The following RNF144B variants were observed in gnomAD, a reference collection of about 807,000 sequenced individuals.
RNF144B encodes E3 ubiquitin-protein ligase RNF144B.
Under a neutral mutation model 40.2 loss-of-function variants are expected in RNF144B, and 25 were observed. The ratio of observed to expected loss-of-function variants is 0.62; its 90% CI spans 0.45 to 0.87. The LOEUF (loss-of-function observed/expected upper bound fraction) is 0.87. Ranked by LOEUF, RNF144B falls within the 40% of genes least tolerant of loss-of-function variation. RNF144B has a pLI of 0.00. For missense variants in RNF144B, 365 were observed against 373.7 expected, an observed-to-expected ratio of 0.98 and a Z score of 0.19; for synonymous variants, 145 against 136.3, an observed-to-expected ratio of 1.06 and a Z score of -0.44.
chr6:18,409,987 G>A (rs10949503), intron 2 of RNF144B, among the ~76,000 whole-genome samples: 97,533 of 152,000 alleles, frequency 0.64, 31,603 homozygotes, highest in Non-Finnish European at 0.69. Context: ...AAAGGAAGTT[G>A]TGAAAAGATA....
intron 2 of RNF144B, among the ~76,000 whole-genome samples, chr6:18,413,299 A>C (rs1339411397): frequency 6.6e-6 from 1 of 152,240 alleles, no homozygotes; most frequent in African/African-American, 2.4e-5. Context: ...TAGCCTATAA[A>C]ATGCAAAATT....
chr6:18,403,308 T>G (rs1794829276), intron 2 of RNF144B, among the ~76,000 whole-genome samples: 1 of 152,232 alleles, frequency 6.6e-6, no homozygotes, highest in South Asian at 2.1e-4. Flanking sequence ...ATTTTAGAAG[T>G]GATTTCTGTC....
chr6:18,432,635 A>C (rs750501362), intron 3 of RNF144B, among the ~76,000 whole-genome samples: 4 of 152,240 alleles, frequency 2.6e-5, no homozygotes, highest in Non-Finnish European at 5.9e-5. Flanking sequence ...GTGTTATTGA[A>C]GTAGCATCCA....
chr6:18,434,779 G>A lies in RNF144B; in HGVS notation c.271-4905G>A, dbSNP rs774644481. Reference sequence around the variant, plus strand: ...TGGGACTACAGGCGCCTGCTACCACGCCCAGCTAATTTTTTGTATTTTTAG... The same window carrying A: ...TGGGACTACAGGCGCCTGCTACCACACCCAGCTAATTTTTTGTATTTTTAG... On this transcript the variant is annotated intron_variant, in intron 3 of 7. Transcript: ENST00000259939. The surrounding 1 kb of genome is among the most constrained non-coding windows in gnomAD (Gnocchi z 4.1). Among the ~76,000 whole-genome samples, 2 of 151,990 alleles carry A rather than the reference G, an allele frequency of 1.3e-5. No individual in the cohort carries two copies. The highest frequency in any genetic ancestry group is 2.1e-4 in the South Asian group (1 of 4,812).
At position 18,416,297 on chromosome 6, in the gene RNF144B, T is replaced by TA. The variant is rs1370657541; in HGVS notation, c.166-11283dup. ...AAGGTTAATGGATGAGTGATTGAAT[T>TA]ACTCAAATTGGAAGCAGATTTTTCC... On this transcript the variant is annotated intron_variant, in intron 2 of 7. Transcript: ENST00000259939. The surrounding 1 kb of genome is among the most constrained non-coding windows in gnomAD (Gnocchi z 5.5). Among the ~76,000 whole-genome samples, 1 of 152,188 alleles carries TA rather than the reference T, an allele frequency of 6.6e-6. No individual in the cohort carries two copies. The highest frequency in any genetic ancestry group is 1.5e-5 in the Non-Finnish European group (1 of 68,036).
At chr6:18,423,328 G>A (rs773050134) in intron 2 of RNF144B, among the ~76,000 whole-genome samples, 14 of 152,032 alleles carry the variant, frequency 9.2e-5, no homozygotes, top group African/African-American at 3.1e-4. Context: ...CAGTTTCATT[G>A]GCTATAGATT....
At chr6:18,392,121 T>C (rs1004290938) in intron 1 of RNF144B, among the ~76,000 whole-genome samples, 1 of 147,204 alleles carries the variant, frequency 6.8e-6, no homozygotes, top group African/African-American at 2.5e-5. Context: ...GGCAGGAGAA[T>C]GGCGTGAACC....
At chr6:18,394,613 GA>G (rs67659754) in intron 1 of RNF144B, among the ~76,000 whole-genome samples, 47,519 of 132,312 alleles carry the variant, frequency 0.36, 7,574 homozygotes, top group East Asian at 0.43. Flanking sequence ...CCCCAACCAA[GA>G]AAAAAAAAAA....
rs563424795 is a variant in RNF144B at position 18,464,636 on chromosome 6, A to AT, written c.772-284dup. Among the ~76,000 whole-genome samples the AT allele has an allele frequency of 1.1e-3, 162 of 152,238 alleles. No individual in the cohort carries two copies. The highest frequency in any genetic ancestry group is 1.8e-3 in the Non-Finnish European group (123 of 68,010). ...CTCTCTTCCTGGTTTGAAGATGGCC[A>AT]TTTTTTTGCTGTGTCTTCACATGGC... On this transcript the variant is annotated intron_variant, in intron 7 of 7. Transcript: ENST00000259939. The surrounding 1 kb of genome is among the most constrained non-coding windows in gnomAD (Gnocchi z 6.1).
chr6:18,406,306 T>C lies in RNF144B; in HGVS notation c.165+6607T>C, dbSNP rs531092079. On this transcript the variant is annotated intron_variant, in intron 2 of 7. Transcript: ENST00000259939. This position sits in a 1 kb window ranked among gnomAD's most constrained non-coding sequence, Gnocchi z 4.2. ...GGGAAGTCTCAGTGATAAGGTGTTATTTGAGCAGAGACCTGAAGGAAATGG... is the reference window on the plus strand; with the variant it reads ...GGGAAGTCTCAGTGATAAGGTGTTACTTGAGCAGAGACCTGAAGGAAATGG... 2.0e-5 allele frequency among the ~76,000 whole-genome samples: 3 copies of C among 152,210 alleles called. No homozygotes were observed. The East Asian group carries it at 5.8e-4, about 29-fold the overall frequency.
chr6:18,464,911 T>C lies in RNF144B; in HGVS notation c.772-16T>C. The C allele has an allele frequency of 1.9e-6, 3 of 1,613,652 alleles. No individual in the cohort carries two copies. The highest frequency in any genetic ancestry group is 2.5e-6 in the Non-Finnish European group (3 of 1,179,640). Reference sequence around the variant, plus strand: ...AGACTTAATTGCTGAAATATGCTTTTCTTTGAAATTTCCAGGTGGTGGGGA... The same window carrying C: ...AGACTTAATTGCTGAAATATGCTTTCCTTTGAAATTTCCAGGTGGTGGGGA... On this transcript the variant is annotated splice_polypyrimidine_tract_variant and intron_variant, in intron 7 of 7. Coordinates refer to ENST00000259939, the MANE Select transcript of RNF144B (RefSeq NM_182757.4). This position sits in a 1 kb window ranked among gnomAD's most constrained non-coding sequence, Gnocchi z 6.1.
In RNF144B at chr6:18,447,959, T is replaced by G. The variant is rs1422833592; in HGVS notation, c.331+8215T>G. Among the ~76,000 whole-genome samples the G allele has an allele frequency of 2.0e-5, 3 of 152,048 alleles. No homozygotes were observed. Among genetic ancestry groups the G allele is most frequent in the Admixed American group, 1.3e-4 (2 of 15,258 alleles). On this transcript the variant is annotated intron_variant, in intron 4 of 7. Coordinates refer to ENST00000259939, the MANE Select transcript of RNF144B (RefSeq NM_182757.4). The surrounding 1 kb of genome is among the most constrained non-coding windows in gnomAD (Gnocchi z 5.6). ...AGTGTTTAAGGAGGAGAGTGTCCAC[T>G]GGGTCCGAAGCTACTGACAGATGAG...
rs1191947287 is a variant in RNF144B, at chr6:18,410,367, C to A, written c.165+10668C>A. Among the ~76,000 whole-genome samples, 3 of 152,126 alleles carry A rather than the reference C, an allele frequency of 2.0e-5. No homozygotes were observed. The highest frequency in any genetic ancestry group is 7.2e-5 in the African/African-American group (3 of 41,416). ...GCCCTGCTGTTATGTGGGCAGTAGA[C>A]CCTCTGATAAAGGAAGTACAATATG... On this transcript the variant is annotated intron_variant, in intron 2 of 7. Coordinates refer to ENST00000259939, the MANE Select transcript of RNF144B (RefSeq NM_182757.4). The surrounding 1 kb of genome is among the most constrained non-coding windows in gnomAD (Gnocchi z 4.6).
intron 2 of RNF144B, among the ~76,000 whole-genome samples, chr6:18,417,551 C>T (rs1039882315): frequency 6.6e-6 from 1 of 152,106 alleles, no homozygotes; most frequent in Non-Finnish European, 1.5e-5. Context: ...TGTCTGTGAT[C>T]TTCCTCATAC....
At position 18,406,138 on chromosome 6, in the gene RNF144B, C is replaced by T. The variant is rs2113469509; in HGVS notation, c.165+6439C>T. ...AACGATCAGATTAAGCCCTGGTTTT[C>T]AAATAACTCAACTTTTCGTATGAGA... On this transcript the variant is annotated intron_variant, in intron 2 of 7. Coordinates refer to ENST00000259939, the MANE Select transcript of RNF144B (RefSeq NM_182757.4). This position sits in a 1 kb window ranked among gnomAD's most constrained non-coding sequence, Gnocchi z 4.2. 2 of 518,916 alleles carry T rather than the reference C, an allele frequency of 3.9e-6. No homozygotes were observed. The highest frequency in any genetic ancestry group is 7.7e-6 in the Non-Finnish European group (2 of 259,856). The allele number at this position is 518,916 out of a possible 1,614,324, so 32.1% of individuals were successfully genotyped here. A position where few individuals can be genotyped will look rare whatever the true frequency, so the allele number is the denominator to read the frequency against.
At chr6:18,449,578 G>T (rs1759161843) in intron 4 of RNF144B, among the ~76,000 whole-genome samples, 1 of 151,802 alleles carries the variant, frequency 6.6e-6, no homozygotes, top group South Asian at 2.1e-4. Context: ...CTATTCATTT[G>T]TATTGCATGT....
intron 4 of RNF144B, among the ~76,000 whole-genome samples, chr6:18,440,840 T>G (rs1309135677): frequency 2.0e-5 from 3 of 149,892 alleles, no homozygotes; most frequent in Non-Finnish European, 4.4e-5. Flanking sequence ...CAGATTTATC[T>G]CATGGGTGGA....
At chr6:18,420,437 A>C (rs529029521) in intron 2 of RNF144B, among the ~76,000 whole-genome samples, 1 of 152,216 alleles carries the variant, frequency 6.6e-6, no homozygotes, top group Non-Finnish European at 1.5e-5. Context: ...GGACATGAAG[A>C]GGAGCAGATA....
chr6:18,428,383 G>C lies in RNF144B; in HGVS notation c.270+698G>C, dbSNP rs781691626. Among the ~76,000 whole-genome samples, 15 of 152,302 alleles carry C rather than the reference G, an allele frequency of 9.8e-5. No homozygotes were observed. In the East Asian group the frequency reaches 2.7e-3, roughly 27 times the overall value. On this transcript the variant is annotated intron_variant, in intron 3 of 7. Transcript: ENST00000259939. The stretch of plus-strand genomic sequence containing the variant: ...ATAAATAGACCATGGATTAGCTGCA[G>C]TTATGGAAAATATAAACTATTGTGA...
Sources: gnomAD v4.1 joint callset for allele counts (sites outside exome capture counted in the v4.1 genomes callset) on GRCh38, gnomAD v4.1.1 for gene constraint, Gnocchi (gnomAD v3.1) non-coding constraint, MANE v1.5 for transcripts, NCBI Gene and HGNC (gene_info 2026-07-23, HGNC 2026-07-21) for gene names.